The following FBXL20 variants were observed in gnomAD, a reference collection of about 807,000 sequenced individuals.
FBXL20 encodes F-box/LRR-repeat protein 20.
Under a neutral mutation model 64.0 loss-of-function variants are expected in FBXL20, and 11 were observed. That is an observed-to-expected ratio of 0.17 (90% CI 0.11 to 0.28). FBXL20 has a LOEUF of 0.28. Ranked by LOEUF, FBXL20 falls within the 10% of genes least tolerant of loss-of-function variation. FBXL20 has a pLI of 1.00. For missense variants in FBXL20, 303 were observed against 526.2 expected (o/e 0.58, Z 4.15); for synonymous variants, 184 against 189.0 (o/e 0.97, Z 0.22).
chr17:39,335,680 T>G (rs562913769), intron 2 of FBXL20, among the ~76,000 whole-genome samples: 3 of 152,094 alleles, frequency 2.0e-5, no homozygotes, highest in Non-Finnish European at 2.9e-5. Flanking sequence ...AACATAGATG[T>G]TCCTTTTTCA....
intron 1 of FBXL20, among the ~76,000 whole-genome samples, chr17:39,355,578 G>A (rs1010684602): frequency 9.9e-5 from 15 of 151,286 alleles, no homozygotes; most frequent in Non-Finnish European, 1.8e-4. Flanking sequence ...CTCCTGGGCC[G>A]GGCGCGGTGG....
At chr17:39,283,986 C>T (rs878948431) in intron 7 of FBXL20, among the ~76,000 whole-genome samples, 1 of 152,166 alleles carries the variant, frequency 6.6e-6, no homozygotes, top group Admixed American at 6.6e-5. Flanking sequence ...CCTGTCTGAA[C>T]CTCTCTTAGT....
At chr17:39,339,066 G>A (rs1033912027) in intron 2 of FBXL20, among the ~76,000 whole-genome samples, 3 of 150,706 alleles carry the variant, frequency 2.0e-5, no homozygotes, top group Non-Finnish European at 4.4e-5. Context: ...CACTCAGGAG[G>A]ACGAGGCAGG....
intron 2 of FBXL20, among the ~76,000 whole-genome samples, chr17:39,333,859 C>T (rs1257251275): frequency 6.0e-5 from 9 of 150,960 alleles, no homozygotes; most frequent in Admixed American, 2.6e-4. Flanking sequence ...AGGTGAGGAG[C>T]GTCTCTGACC....
rs758733774 is a variant in FBXL20 at position 39,270,877 on chromosome 17, A to C, written c.828-21T>G. The C allele has an allele frequency of 7.6e-6, 10 of 1,308,504 alleles. No homozygotes were observed. The highest frequency in any genetic ancestry group is 1.1e-5 in the Non-Finnish European group (10 of 929,984). 81.1% of individuals were successfully genotyped at this position (1,308,504 alleles called of 1,614,324 possible). On this transcript the variant is annotated intron_variant, in intron 10 of 14. Transcript: ENST00000264658. Reference sequence around the variant, plus strand: ...ATATTCTGTTAAAAAAAAAAAAAAAACAGTGAAAGTCAAGCTCTTGGTCCC... The same window carrying C: ...ATATTCTGTTAAAAAAAAAAAAAAACCAGTGAAAGTCAAGCTCTTGGTCCC...
chr17:39,372,084 G>A (rs953093784), intron 1 of FBXL20, among the ~76,000 whole-genome samples: 7 of 152,076 alleles, frequency 4.6e-5, no homozygotes, highest in African/African-American at 1.7e-4. Context: ...CCTCTCTTCT[G>A]CTAAGTCATT....
At chr17:39,327,167 C>T (rs59925505) in intron 2 of FBXL20, among the ~76,000 whole-genome samples, 15,623 of 151,980 alleles carry the variant, frequency 0.1, 866 homozygotes, top group African/African-American at 0.15. Context: ...ATTACAGACG[C>T]GAGCCACCGC....
chr17:39,256,308 G>A lies in FBXL20; in HGVS notation c.*5152C>T, dbSNP rs1472076860. On this transcript the variant is annotated 3_prime_UTR_variant, in exon 15 of 15. Coordinates refer to ENST00000264658, the MANE Select transcript of FBXL20 (RefSeq NM_032875.3). Reference sequence around the variant, plus strand: ...GGCACTCCAACCTGGGTGACAGAGCGAGACTCCATGTCAAAAAAAAAAAAA... The same window carrying A: ...GGCACTCCAACCTGGGTGACAGAGCAAGACTCCATGTCAAAAAAAAAAAAA... 13 of 132,194 alleles carry A rather than the reference G, an allele frequency of 9.8e-5. No homozygotes were observed. Among genetic ancestry groups the A allele is most frequent in the African/African-American group, 2.6e-4 (9 of 34,740 alleles). 8.2% of individuals were successfully genotyped at this position (132,194 alleles called of 1,614,324 possible).
intron 1 of FBXL20, among the ~76,000 whole-genome samples, chr17:39,356,044 T>C (rs567267362): frequency 3.0e-4 from 45 of 151,164 alleles, no homozygotes; most frequent in African/African-American, 1.0e-3. Flanking sequence ...TGAAACCCTG[T>C]CTCTACTAAA....
chr17:39,368,828 T>C (rs545077078), intron 1 of FBXL20, among the ~76,000 whole-genome samples: 21 of 152,132 alleles, frequency 1.4e-4, no homozygotes, highest in South Asian at 1.2e-3. Flanking sequence ...GCTAATTTTT[T>C]GTATTTTTAG....
chr17:39,346,472 C>T (rs1035714051), intron 1 of FBXL20, among the ~76,000 whole-genome samples: 5 of 152,108 alleles, frequency 3.3e-5, no homozygotes, highest in Non-Finnish European at 7.3e-5. Flanking sequence ...AGACACCGAA[C>T]TCTGGACTAG....
chr17:39,307,510 C>T (rs1402599336), intron 2 of FBXL20, among the ~76,000 whole-genome samples: 1 of 152,104 alleles, frequency 6.6e-6, no homozygotes, highest in African/African-American at 2.4e-5. Flanking sequence ...AGCAGCACAA[C>T]CCTATACTGA....
chr17:39,401,426 C>G lies in FBXL20; in HGVS notation c.-24G>C, dbSNP rs369488275. On this transcript the variant is annotated 5_prime_UTR_variant, in exon 1 of 15. Transcript: ENST00000264658. ...ATGGGGCCGGCGGGTGCGGCCCGGGCCGGGCGCTGCGGCGAGCGGAGTGCA... is the reference window on the plus strand; with the variant it reads ...ATGGGGCCGGCGGGTGCGGCCCGGGGCGGGCGCTGCGGCGAGCGGAGTGCA... 7.0e-6 allele frequency: 11 copies of G among 1,582,630 alleles called. No homozygotes were observed. The Admixed American group carries it at 2.0e-4, about 29-fold the overall frequency.
chr17:39,372,817 G>T (rs1266728591), intron 1 of FBXL20, among the ~76,000 whole-genome samples: 1 of 151,550 alleles, frequency 6.6e-6, no homozygotes, highest in Non-Finnish European at 1.5e-5. Flanking sequence ...TAGAGATGGG[G>T]TTTCACCAGG....
chr17:39,342,218 G>T (rs775518386), intron 2 of FBXL20, among the ~76,000 whole-genome samples: 3 of 152,144 alleles, frequency 2.0e-5, no homozygotes, highest in Non-Finnish European at 2.9e-5. Context: ...CCATAACACA[G>T]TAGGGCCAGT....
chr17:39,283,871 T>C (rs2046967725), intron 7 of FBXL20, among the ~76,000 whole-genome samples: 1 of 152,180 alleles, frequency 6.6e-6, no homozygotes, highest in Non-Finnish European at 1.5e-5. Context: ...CCATAAATTG[T>C]TTGAAATATT....
rs148776884 is a variant in FBXL20, at chr17:39,277,104, C to T, written c.697-2004G>A. Among the ~76,000 whole-genome samples the T allele has an allele frequency of 3.3e-3, 495 of 152,222 alleles. 1 individual carries two copies. The highest frequency in any genetic ancestry group is 4.9e-3 in the Non-Finnish European group (334 of 68,026). ...CAAGGACAACTGAAAAAACAAAATC[C>T]CACAACTTTTAATATCCACTGCTTA... is the stretch of plus-strand genomic sequence containing the variant. On this transcript the variant is annotated intron_variant, in intron 9 of 14. Coordinates refer to ENST00000264658, the MANE Select transcript of FBXL20 (RefSeq NM_032875.3).
At chr17:39,344,356 A>C (rs1019447003) in intron 1 of FBXL20, among the ~76,000 whole-genome samples, 1 of 152,008 alleles carries the variant, frequency 6.6e-6, no homozygotes, top group African/African-American at 2.4e-5. Context: ...CTCTCCAAAA[A>C]AAAAAAAAAA....
At chr17:39,333,148 CTCCTCCCTCTCCG>C (rs981189075) in intron 2 of FBXL20, among the ~76,000 whole-genome samples, 2 of 151,838 alleles carry the variant, frequency 1.3e-5, no homozygotes, top group Non-Finnish European at 2.9e-5. Flanking sequence ...CTCCCTCTCC[CTCCTCCCTCTCCG>C]TCTCCCTCTT....
Sources: allele counts gnomAD v4.1 joint callset (sites outside exome capture counted in the v4.1 genomes callset), GRCh38; gene constraint gnomAD v4.1.1; transcripts MANE v1.5; gene names NCBI Gene and HGNC (gene_info 2026-07-23, HGNC 2026-07-21).